ZNF334: variants seen among roughly 807,000 people sequenced by gnomAD.
The protein encoded by ZNF334 is zinc finger protein 334.
A neutral mutation model predicts 12.4 loss-of-function variants in ZNF334; 14 were observed. The observed-to-expected ratio is 1.13, with a 90% CI of 0.74 to 1.76. The LOEUF (loss-of-function observed/expected upper bound fraction) is 1.76, where lower values mean the gene tolerates loss of function less well. Among genes scored for constraint, ZNF334 ranks in the 40% most tolerant of loss-of-function variants. The pLI is 0.00. For synonymous variants in ZNF334, 273 were observed against 269.6 expected (o/e 1.01, Z -0.12); for missense variants, 797 against 804.5 (o/e 0.99, Z 0.11).
chr20:46,479,024 A>G, the ZNF334 span, among the ~76,000 whole-genome samples: 1 of 152,166 alleles, frequency 6.6e-6, no homozygotes, highest in South Asian at 2.1e-4. Flanking sequence ...CCTCTGTATC[A>G]GTTATTTATT....
the ZNF334 span, chr20:46,492,145 T>C: frequency 1.3e-5 from 2 of 152,548 alleles, no homozygotes; most frequent in South Asian, 2.1e-4. Context: ...TTCCATGTAA[T>C]GAATGTAAGA....
At chr20:46,511,527 T>C (rs1476671040) in intron 2 of ZNF334, among the ~76,000 whole-genome samples, 2 of 152,232 alleles carry the variant, frequency 1.3e-5, no homozygotes, top group African/African-American at 4.8e-5. Flanking sequence ...AATATTGAAT[T>C]GTTCCCTCTA....
At chr20:46,504,475 C>A in intron 3 of ZNF334, 139 bp downstream of exon 3, 1 of 1,237,838 alleles carries the variant, frequency 8.1e-7, no homozygotes. Context: ...AATACATACA[C>A]AAACTTCTAC....
the ZNF334 span, chr20:46,476,194 G>A: frequency 6.6e-6 from 1 of 152,152 alleles, no homozygotes; most frequent in African/African-American, 2.4e-5. Flanking sequence ...TTCTTGAAAC[G>A]ATAATATTTT....
intron 2 of ZNF334, among the ~76,000 whole-genome samples, chr20:46,507,471 A>G (rs1293852857): frequency 2.0e-5 from 3 of 152,222 alleles, no homozygotes; most frequent in Non-Finnish European, 2.9e-5. Context: ...ACGATAGATA[A>G]TAATACTGTA....
chr20:46,479,012 G>A, the ZNF334 span, among the ~76,000 whole-genome samples: 2 of 152,118 alleles, frequency 1.3e-5, no homozygotes, highest in Non-Finnish European at 2.9e-5. Context: ...TCAGTCTCTG[G>A]CCCTCTGTAT....
chr20:46,471,255 A>T, the ZNF334 span, among the ~76,000 whole-genome samples: 16 of 152,230 alleles, frequency 1.1e-4, 1 homozygote, highest in South Asian at 3.3e-3. Flanking sequence ...CCATTTTGAT[A>T]TTGGGTGTGT....
chr20:46,487,231 T>G, the ZNF334 span, among the ~76,000 whole-genome samples: 1 of 152,204 alleles, frequency 6.6e-6, no homozygotes, highest in African/African-American at 2.4e-5. Context: ...ATTACGGGTT[T>G]AAAATTCACA....
At chr20:46,477,273 T>A in the ZNF334 span, 1 of 152,142 alleles carries the variant, frequency 6.6e-6, no homozygotes, top group Non-Finnish European at 1.5e-5. Flanking sequence ...AAGGCACCTT[T>A]TTAGGAATCC....
chr20:46,485,570 T>C, the ZNF334 span: 1 of 151,856 alleles, frequency 6.6e-6, no homozygotes, highest in African/African-American at 2.4e-5. Context: ...TAACAGAAGG[T>C]AGAACTCGCC....
At position 46,503,090 on chromosome 20, in the gene ZNF334, A is replaced by G; in HGVS notation, c.249T>C (p.Asp83=). 1 of 1,590,522 alleles carries G rather than the reference A, an allele frequency of 6.3e-7. No homozygotes were observed. The stretch of plus-strand genomic sequence containing the variant: ...TTTCCTTGTTCTTCTCTAAGGCATC[A>G]TCAATGTCTAGAAAAAGGAACACAA... ...EFSNQNYPDI[D]DALEKNKEIQ... is the part of the protein sequence containing the mutation. The change falls in exon 5 of 5, where the codon GAT becomes GAC. Residue 83 remains aspartate (D), a synonymous_variant. Coordinates refer to ENST00000692313, the MANE Select transcript of ZNF334 (RefSeq NM_001353824.2).
chr20:46,506,295 A>G, intron 2 of ZNF334: 2 of 622,998 alleles, frequency 3.2e-6, no homozygotes, highest in Non-Finnish European at 5.7e-6. Flanking sequence ...AAGAATATCT[A>G]TAATATATTA....
chr20:46,499,173 CAAAAAAAAAA>C (rs61489091), downstream of ZNF334, among the ~76,000 whole-genome samples: 4 of 59,766 alleles, frequency 6.7e-5, no homozygotes, highest in East Asian at 6.0e-4. Context: ...GACTCCGTCT[CAAAAAAAAAA>C]AAAAAAAAAA....
intron 3 of ZNF334, 72 bp from the exon 4 acceptor site, chr20:46,504,378 A>G: frequency 7.2e-7 from 1 of 1,396,852 alleles, no homozygotes; most frequent in Non-Finnish European, 1.0e-6. Flanking sequence ...TGAAGAAAGT[A>G]CAGCTTCAGA....
In ZNF334 at chr20:46,501,802, T is replaced by C. The variant is rs1261173234; in HGVS notation, c.1537A>G (p.Lys513Glu). Residue 513 changes from lysine to glutamate, a missense_variant, in exon 5 of 5, where the codon AAG becomes GAG. Coordinates refer to ENST00000692313, the MANE Select transcript of ZNF334 (RefSeq NM_001353824.2). ...TCACTACACTCATAAAGATTCTCCT[T>C]TGTGTTCATTCTCTTACACTGACTG... ...NCSQCKRMNT[K>E]ENLYECSEHG... 1 of 1,614,100 alleles carries C rather than the reference T, an allele frequency of 6.2e-7. No individual in the cohort carries two copies. Among genetic ancestry groups the C allele is most frequent in the Non-Finnish European group, 8.5e-7 (1 of 1,180,002 alleles).
In ZNF334 at chr20:46,502,588, T is replaced by C; in HGVS notation, c.751A>G (p.Thr251Ala). 6.2e-7 allele frequency: 1 copy of C among 1,613,804 alleles called. No individual in the cohort carries two copies. The highest frequency in any genetic ancestry group is 8.5e-7 in the Non-Finnish European group (1 of 1,180,020). The change falls in exon 5 of 5, where the codon ACC (threonine) becomes GCC (alanine). Residue 251 changes from threonine (T) to alanine (A), a missense_variant. Coordinates refer to ENST00000692313, the MANE Select transcript of ZNF334 (RefSeq NM_001353824.2). Reference protein sequence around the residue: ...ECRKTFSKRSTLIVHQRIHTG... With the variant: ...ECRKTFSKRSALIVHQRIHTG... ...TGAATTCTCTGATGTACAATGAGGG[T>C]AGATCTCTTAGAAAAGGTTTTCCTA... is the stretch of plus-strand genomic sequence containing the variant.
chr20:46,491,694 C>T, the ZNF334 span: 2 of 152,768 alleles, frequency 1.3e-5, no homozygotes, highest in South Asian at 4.1e-4. Flanking sequence ...GTCCGTCTGT[C>T]AGATCTAACA....
chr20:46,509,573 A>T (rs907297747), intron 2 of ZNF334: 1 of 702,910 alleles, frequency 1.4e-6, no homozygotes, highest in Non-Finnish European at 2.6e-6. Context: ...AGTGCACAGA[A>T]TAGAGAAAGG....
At chr20:46,510,413 G>T (rs1254482902) in intron 2 of ZNF334, among the ~76,000 whole-genome samples, 1 of 152,082 alleles carries the variant, frequency 6.6e-6, no homozygotes, top group Non-Finnish European at 1.5e-5. Context: ...ATGGTAGGAC[G>T]TGAGGAAAAG....
Sources: gnomAD v4.1 joint callset for allele counts (sites outside exome capture counted in the v4.1 genomes callset) on GRCh38, gnomAD v4.1.1 for gene constraint, MANE v1.5 for transcripts, NCBI Gene and HGNC (gene_info 2026-07-23, HGNC 2026-07-21) for gene names.